GLYATL1: variants seen among roughly 807,000 people sequenced by gnomAD.
GLYATL1 encodes the protein glycine N-acyltransferase-like protein 1.
GLYATL1 carries 15 observed loss-of-function variants against 20.0 expected under a neutral mutation model. That is an observed-to-expected ratio of 0.75 (90% CI 0.50 to 1.15). The LOEUF is 1.15. Ranked by LOEUF, GLYATL1 falls within the 50% of genes most tolerant of loss-of-function variation. The pLI is 0.00. For missense variants in GLYATL1, 380 were observed against 368.5 expected (o/e 1.03, Z -0.26); for synonymous variants, 151 against 131.5 (o/e 1.15, Z -1.01).
upstream of GLYATL1, among the ~76,000 whole-genome samples, chr11:58,925,890 C>G (rs906999805): frequency 2.0e-5 from 3 of 152,198 alleles, 1 homozygote; most frequent in Admixed American, 1.3e-4. Flanking sequence ...GTTGAATATT[C>G]CACGTGTGAT....
chr11:58,955,626 A>C lies in GLYATL1; in HGVS notation c.508A>C (p.Lys170Gln). 1 of 1,613,752 alleles carries C rather than the reference A, an allele frequency of 6.2e-7. No homozygotes were observed. The highest frequency in any genetic ancestry group is 8.5e-7 in the Non-Finnish European group (1 of 1,179,724). ...TGTCTACAGTGAAACTCCCAACTTT[A>C]AGTATGCCCAGCTGGATGTCTCTTA... The part of the protein sequence containing the change: ...DEFESETPNF[K>Q]YAQLDVSYSG... The change falls in exon 7 of 7, where the codon AAG (lysine) becomes CAG (glutamine). Residue 170 changes from lysine to glutamine, a missense_variant. Physicochemically the swap from Lys to Gln is moderately conservative, Grantham distance 53. Transcript: ENST00000532726.
chr11:58,921,863 T>C (rs1281469423), intron 1 of GLYATL1, among the ~76,000 whole-genome samples: 1 of 152,222 alleles, frequency 6.6e-6, no homozygotes, highest in Non-Finnish European at 1.5e-5. Context: ...GATATCTCCC[T>C]GGTCTGCCCT....
chr11:58,955,074 C>G, intron 5 of GLYATL1, 102 bp from the exon 6 acceptor site: 1 of 1,291,466 alleles, frequency 7.7e-7, no homozygotes, highest in Non-Finnish European at 1.1e-6. Flanking sequence ...GGTGTAAACT[C>G]AAGTTTGAGA....
upstream of GLYATL1, among the ~76,000 whole-genome samples, chr11:58,935,915 T>C (rs938635170): frequency 6.6e-6 from 1 of 152,210 alleles, no homozygotes; most frequent in Non-Finnish European, 1.5e-5. Context: ...GCTTTTTGTA[T>C]GTCAATTATA....
At chr11:58,951,066 C>A (rs142618298) in intron 4 of GLYATL1, among the ~76,000 whole-genome samples, 1 of 152,064 alleles carries the variant, frequency 6.6e-6, no homozygotes, top group East Asian at 1.9e-4. Flanking sequence ...AATATATTAT[C>A]TTTTTCACTA....
chr11:58,937,423 A>G (rs1855884763), upstream of GLYATL1, among the ~76,000 whole-genome samples: 1 of 152,196 alleles, frequency 6.6e-6, no homozygotes, highest in South Asian at 2.1e-4. Flanking sequence ...TTCCCTAGAA[A>G]GACTTCTGGA....
intron 1 of GLYATL1, among the ~76,000 whole-genome samples, chr11:58,929,775 C>A (rs1220339536): frequency 6.6e-6 from 1 of 152,184 alleles, no homozygotes; most frequent in Non-Finnish European, 1.5e-5. Context: ...CTGTACAGTC[C>A]TCTCCTGCCC....
intron 1 of GLYATL1, among the ~76,000 whole-genome samples, chr11:58,906,046 A>G (rs745315409): frequency 2.1e-4 from 32 of 152,136 alleles, no homozygotes; most frequent in Admixed American, 8.5e-4. Context: ...AAGTCTTCCC[A>G]ACACCTGCGA....
chr11:58,950,182 T>C (rs778369986), intron 4 of GLYATL1, among the ~76,000 whole-genome samples: 59 of 147,512 alleles, frequency 4.0e-4, no homozygotes, highest in Non-Finnish European at 7.6e-4. Context: ...TCCCAACTAC[T>C]TGGGAGGCTG....
chr11:58,940,238 CT>C (rs1389050801), intron 1 of GLYATL1, among the ~76,000 whole-genome samples: 2 of 152,126 alleles, frequency 1.3e-5, no homozygotes, highest in African/African-American at 4.8e-5. Context: ...TCTTTGGAGT[CT>C]GGAGAACTTT....
chr11:58,934,134 CA>C (rs1855723454), intron 1 of GLYATL1: 1 of 153,066 alleles, frequency 6.5e-6, no homozygotes, highest in African/African-American at 2.4e-5. Context: ...ATAAGCCTGG[CA>C]TCTGAGTCCA....
chr11:58,920,746 C>T (rs1443520231), intron 1 of GLYATL1, among the ~76,000 whole-genome samples: 1 of 152,194 alleles, frequency 6.6e-6, no homozygotes, highest in Non-Finnish European at 1.5e-5. Flanking sequence ...ATGTGATAAC[C>T]TAAGGTGTCC....
upstream of GLYATL1, among the ~76,000 whole-genome samples, chr11:58,923,440 C>G (rs377013184): frequency 1.7e-3 from 252 of 152,200 alleles, 1 homozygote; most frequent in Admixed American, 2.9e-3. Context: ...AGTAGTGGCC[C>G]GCAACCAGTT....
At chr11:58,918,364 C>A (rs1236777560) in intron 1 of GLYATL1, among the ~76,000 whole-genome samples, 1 of 152,222 alleles carries the variant, frequency 6.6e-6, no homozygotes, top group African/African-American at 2.4e-5. Flanking sequence ...TCTATAATGG[C>A]TTTCCCATTG....
chr11:58,933,413 C>G (rs1855688779), intron 1 of GLYATL1, among the ~76,000 whole-genome samples: 1 of 152,168 alleles, frequency 6.6e-6, no homozygotes, highest in Non-Finnish European at 1.5e-5. Flanking sequence ...TTTACTCCCT[C>G]CAGGCTTATT....
At chr11:58,929,917 G>A (rs1003838300) in intron 1 of GLYATL1, among the ~76,000 whole-genome samples, 3 of 152,218 alleles carry the variant, frequency 2.0e-5, no homozygotes, top group Non-Finnish European at 4.4e-5. Context: ...AGCTGGGGCA[G>A]TCTTAGAGTC....
intron 1 of GLYATL1, among the ~76,000 whole-genome samples, chr11:58,941,288 G>A (rs1856129526): frequency 6.7e-6 from 1 of 148,810 alleles, no homozygotes; most frequent in African/African-American, 2.5e-5. Context: ...AGAACATGCG[G>A]TGTTTGGTTT....
At chr11:58,928,891 C>T (rs1345675474) in intron 1 of GLYATL1, among the ~76,000 whole-genome samples, 1 of 152,208 alleles carries the variant, frequency 6.6e-6, no homozygotes, top group Non-Finnish European at 1.5e-5. Flanking sequence ...AGAGGGCCAT[C>T]TGTCTCAAAG....
downstream of GLYATL1, among the ~76,000 whole-genome samples, chr11:58,909,607 G>A (rs1854990380): frequency 1.3e-5 from 2 of 152,130 alleles, no homozygotes; most frequent in Admixed American, 6.5e-5. Flanking sequence ...TGAAGGAATG[G>A]CCTGAATAAA....
Sources: allele counts gnomAD v4.1 joint callset (sites outside exome capture counted in the v4.1 genomes callset), GRCh38; gene constraint gnomAD v4.1.1; transcripts MANE v1.5; gene names NCBI Gene and HGNC (gene_info 2026-07-23, HGNC 2026-07-21).